ZNF486: variants seen among roughly 807,000 people sequenced by gnomAD.
ZNF486 encodes zinc finger protein 486, also known as KRAB box only protein 2.
Under a neutral mutation model 12.8 loss-of-function variants are expected in ZNF486, and 12 were observed. The ratio of observed to expected loss-of-function variants is 0.94; its 90% confidence interval spans 0.60 to 1.52. The LOEUF is 1.52. Ranked by LOEUF, ZNF486 falls within the 40% of genes most tolerant of loss-of-function variation. The pLI is 0.00. For missense variants in ZNF486, 738 were observed against 545.0 expected (o/e 1.35, Z -3.53); for synonymous variants, 231 against 184.9 (o/e 1.25, Z -2.02).
chr19:20,185,802 CAAAA>C (rs58776855), intron 2 of ZNF486, among the ~76,000 whole-genome samples, 181 bp from the exon 3 acceptor site: 2 of 116,908 alleles, frequency 1.7e-5, no homozygotes, highest in African/African-American at 2.9e-5. Flanking sequence ...ACTCCATCTC[CAAAA>C]AAAAAAAAAA....
chr19:20,188,644 C>T (rs1555716810), intron 3 of ZNF486: 6 of 393,666 alleles, frequency 1.5e-5, no homozygotes, highest in Non-Finnish European at 2.2e-5. Context: ...GAGACCCTGT[C>T]TCCAAAAAAC....
chr19:20,169,393 G>T (rs929288132), intron 1 of ZNF486, among the ~76,000 whole-genome samples: 6 of 152,158 alleles, frequency 3.9e-5, no homozygotes, highest in African/African-American at 1.2e-4. Context: ...ACATGCTTGC[G>T]CCACCGCGCC....
intron 2 of ZNF486, among the ~76,000 whole-genome samples, chr19:20,185,133 A>T (rs1231738078): frequency 2.6e-5 from 4 of 152,116 alleles, no homozygotes; most frequent in Non-Finnish European, 5.9e-5. Flanking sequence ...AAGTTTATTG[A>T]ATCTATAGAT....
At chr19:20,188,914 T>C (rs1555716836) in intron 3 of ZNF486, 1 of 153,972 alleles carries the variant, frequency 6.5e-6, no homozygotes, top group East Asian at 1.9e-4. Context: ...TGTGACAAGA[T>C]TATTCTTTTT....
rs529845430 is a variant in ZNF486 at position 20,199,752 on chromosome 19, T to C, written c.*1650T>C. 4 of 151,134 alleles carry C rather than the reference T, an allele frequency of 2.6e-5. No homozygotes were observed. In the East Asian group the frequency reaches 7.9e-4, roughly 30 times the overall value. 9.4% of individuals were successfully genotyped at this position (151,134 alleles called of 1,614,324 possible). A position where few individuals can be genotyped will look rare whatever the true frequency, so the allele number is the denominator to read the frequency against. On this transcript the variant is annotated 3_prime_UTR_variant, in exon 4 of 4. Transcript: ENST00000335117. ...ATTTGTGTATAACTTTAAAAGCAGATTTTTGGAAGCATTGTAATTACATTA... is the reference window on the plus strand; with the variant it reads ...ATTTGTGTATAACTTTAAAAGCAGACTTTTGGAAGCATTGTAATTACATTA...
chr19:20,197,355 T>C lies in ZNF486; in HGVS notation c.645T>C (p.Cys215=). ...TGEKPYKCEE[C]GKAFNRSSHL... is the part of the protein sequence containing the mutation. Reference sequence around the variant, plus strand: ...AGAAACCATACAAATGTGAAGAATGTGGCAAAGCCTTCAACCGGTCCTCAC... The same window carrying C: ...AGAAACCATACAAATGTGAAGAATGCGGCAAAGCCTTCAACCGGTCCTCAC... Residue 215 remains cysteine (C), a synonymous_variant, in exon 4 of 4, where the codon TGT becomes TGC. Transcript: ENST00000335117. The C allele has an allele frequency of 6.2e-7, 1 of 1,613,578 alleles. No individual in the cohort carries two copies. The highest frequency in any genetic ancestry group is 2.2e-5 in the East Asian group (1 of 44,868).
At chr19:20,171,141 C>G (rs2089643398) in intron 1 of ZNF486, among the ~76,000 whole-genome samples, 1 of 152,140 alleles carries the variant, frequency 6.6e-6, no homozygotes, top group Non-Finnish European at 1.5e-5. Flanking sequence ...GCAAACTCTA[C>G]AGATATGGTG....
chr19:20,176,744 AGG>A (rs2089722179), intron 1 of ZNF486: 1 of 154,130 alleles, frequency 6.5e-6, no homozygotes, highest in Non-Finnish European at 1.4e-5. Context: ...AGAATCAGGC[AGG>A]GAGGTTGCAG....
Position 20,174,482 on chromosome 19 carries a change from G to A in ZNF486, c.30+7122G>A, listed in dbSNP as rs186222034. Among the ~76,000 whole-genome samples, 21 of 151,638 alleles carry A rather than the reference G, an allele frequency of 1.4e-4. No homozygotes were observed. In the East Asian group the frequency reaches 3.3e-3, roughly 24 times the overall value. ...CATCTCACTGCAACTGCTGCCTCCC[G>A]GGTTCAAGCGATTCTCCTGCCTCAG... On this transcript the variant is annotated intron_variant, in intron 1 of 3. Transcript: ENST00000335117.
intron 3 of ZNF486, among the ~76,000 whole-genome samples, chr19:20,192,627 G>T (rs570658467): frequency 1.3e-5 from 2 of 152,060 alleles, no homozygotes; most frequent in East Asian, 1.9e-4. Flanking sequence ...TTTGAGATAG[G>T]GTCTCACTCT....
intron 1 of ZNF486, among the ~76,000 whole-genome samples, chr19:20,183,068 C>A (rs1474079835): frequency 6.6e-6 from 1 of 152,248 alleles, no homozygotes; most frequent in East Asian, 1.9e-4. Context: ...TTATGATAGT[C>A]AAGGGTCTCT....
intron 1 of ZNF486, among the ~76,000 whole-genome samples, chr19:20,183,246 G>T (rs2089805818): frequency 6.6e-6 from 1 of 152,170 alleles, no homozygotes; most frequent in Non-Finnish European, 1.5e-5. Context: ...GATTTCTGTT[G>T]GGGAAAATTG....
intron 3 of ZNF486, chr19:20,188,331 T>C (rs368968068): frequency 1.3e-5 from 5 of 397,624 alleles, no homozygotes; most frequent in East Asian, 3.6e-5. Flanking sequence ...TCAGTTTTTC[T>C]TTAAAAAAAT....
At chr19:20,185,555 A>G (rs1555716276) in intron 2 of ZNF486, among the ~76,000 whole-genome samples, 2 of 151,462 alleles carry the variant, frequency 1.3e-5, no homozygotes, top group Non-Finnish European at 1.5e-5. Flanking sequence ...GTACTACTAC[A>G]GGCACGTGCC....
In ZNF486 at chr19:20,200,082, A is replaced by G. The variant is rs1366491910; in HGVS notation, c.*1980A>G. On this transcript the variant is annotated 3_prime_UTR_variant, in exon 4 of 4. Coordinates refer to ENST00000335117, the MANE Select transcript of ZNF486 (RefSeq NM_052852.4). Reference sequence around the variant, plus strand: ...CAGAGCAAGACTCCATCTCAAAAAAAAAAGTGTATTTGTTTCCTTAAAAAA... The same window carrying G: ...CAGAGCAAGACTCCATCTCAAAAAAGAAAGTGTATTTGTTTCCTTAAAAAA... The G allele has an allele frequency of 6.6e-6, 1 of 152,138 alleles. No homozygotes were observed. Among genetic ancestry groups the G allele is most frequent in the Non-Finnish European group, 1.5e-5 (1 of 68,016 alleles). The allele number at this position is 152,138 out of a possible 1,614,324, so 9.4% of individuals were successfully genotyped here.
intron 1 of ZNF486, among the ~76,000 whole-genome samples, chr19:20,169,764 C>T (rs1245018950): frequency 4.0e-5 from 6 of 149,776 alleles, no homozygotes; most frequent in Non-Finnish European, 7.4e-5. Flanking sequence ...GAGGAGCAAA[C>T]GAGATTAGAA....
At chr19:20,191,574 C>T (rs1157829153) in intron 3 of ZNF486, among the ~76,000 whole-genome samples, 2 of 149,362 alleles carry the variant, frequency 1.3e-5, no homozygotes, top group African/African-American at 4.9e-5. Context: ...TCGAGACTCT[C>T]CTGGCTAAGA....
At chr19:20,169,339 C>G (rs1725907) in intron 1 of ZNF486, among the ~76,000 whole-genome samples, 20,370 of 152,124 alleles carry the variant, frequency 0.13, 2,060 homozygotes, top group East Asian at 0.46. Flanking sequence ...TAACTCCCAA[C>G]CTCAGGTGAT....
intron 1 of ZNF486, chr19:20,176,030 G>A (rs1025203046): frequency 1.2e-5 from 2 of 170,028 alleles, no homozygotes; most frequent in Admixed American, 6.4e-5. Context: ...CCTCCCGGAC[G>A]GGGTGGCTGC....
Sources: gnomAD v4.1 joint callset for allele counts (sites outside exome capture counted in the v4.1 genomes callset) on GRCh38, gnomAD v4.1.1 for gene constraint, MANE v1.5 for transcripts, NCBI Gene and HGNC (gene_info 2026-07-23, HGNC 2026-07-21) for gene names.